The following STAG1 variants were observed in gnomAD, a reference collection of about 807,000 sequenced individuals.
The protein encoded by STAG1 is STAG1 cohesin complex component.
Under a neutral mutation model 170.9 loss-of-function variants are expected in STAG1, and 26 were observed. The observed-to-expected ratio is 0.15, with a 90% CI of 0.11 to 0.21. The LOEUF is 0.21. Ranked by LOEUF, STAG1 falls within the 10% of genes least tolerant of loss-of-function variation. The pLI is 1.00. For synonymous variants in STAG1, 514 were observed against 497.7 expected (o/e 1.03, Z -0.44); for missense variants, 964 against 1,509.5 (o/e 0.64, Z 5.99).
At chr3:136,596,256 T>C (rs1938424284) in intron 4 of STAG1, among the ~76,000 whole-genome samples, 1 of 152,236 alleles carries the variant, frequency 6.6e-6, no homozygotes, top group South Asian at 2.1e-4. Flanking sequence ...AGAAACTTCA[T>C]TGTTGTCTTG....
intron 9 of STAG1, among the ~76,000 whole-genome samples, chr3:136,493,159 T>C (rs1559838521): frequency 6.6e-6 from 1 of 152,064 alleles, no homozygotes; most frequent in Non-Finnish European, 1.5e-5. Flanking sequence ...CTGGGCAACA[T>C]GGCGAAACTT....
At chr3:136,591,889 T>C (rs546882451) in intron 4 of STAG1, among the ~76,000 whole-genome samples, 4 of 152,320 alleles carry the variant, frequency 2.6e-5, no homozygotes, top group African/African-American at 9.6e-5. Flanking sequence ...CATCATTCAA[T>C]GGAGACCTCT....
intron 9 of STAG1, among the ~76,000 whole-genome samples, chr3:136,498,233 T>TATATATATATACACACACACACAC: frequency 1.9e-4 from 11 of 57,492 alleles, no homozygotes; most frequent in African/African-American, 1.1e-3. Context: ...TATATATATA[T>TATATATATATACACACACACACAC]ACACATACAT....
chr3:136,397,836 G>C (rs1171534705), intron 22 of STAG1, among the ~76,000 whole-genome samples: 1 of 150,608 alleles, frequency 6.6e-6, no homozygotes, highest in Non-Finnish European at 1.5e-5. Context: ...CATGGTCATG[G>C]ATACATTAAA....
intron 6 of STAG1, among the ~76,000 whole-genome samples, chr3:136,535,950 T>G (rs1935599956): frequency 6.6e-6 from 1 of 152,234 alleles, no homozygotes; most frequent in Admixed American, 6.5e-5. Context: ...TTAACAAATA[T>G]AAATGTGATT....
intron 27 of STAG1, among the ~76,000 whole-genome samples, chr3:136,358,196 C>T (rs1211749589): frequency 6.6e-6 from 1 of 151,708 alleles, no homozygotes; most frequent in African/African-American, 2.4e-5. Context: ...GTGATTCTCC[C>T]ACCTCAGCCT....
At chr3:136,345,585 G>A (rs1417608404) in intron 29 of STAG1, among the ~76,000 whole-genome samples, 3 of 150,834 alleles carry the variant, frequency 2.0e-5, no homozygotes, top group South Asian at 2.1e-4. Flanking sequence ...TACTATGCCC[G>A]GCCAAGTTTC....
intron 29 of STAG1, chr3:136,348,790 A>C: frequency 4.4e-6 from 1 of 226,588 alleles, no homozygotes; most frequent in Non-Finnish European, 8.8e-6. Context: ...GCAGAAATCT[A>C]CCCTCAAATT....
intron 6 of STAG1, among the ~76,000 whole-genome samples, chr3:136,524,822 C>T (rs1025363881): frequency 6.6e-6 from 1 of 152,168 alleles, no homozygotes; most frequent in Middle Eastern, 3.2e-3. Context: ...TGAATTTTGT[C>T]AAAGGCCTTT....
At chr3:136,413,940 T>A (rs2087701805) in intron 21 of STAG1, among the ~76,000 whole-genome samples, 1 of 152,230 alleles carries the variant, frequency 6.6e-6, no homozygotes, top group Non-Finnish European at 1.5e-5. Flanking sequence ...ACCTTTGGTT[T>A]CGCAGTGCAT....
At chr3:136,660,672 T>G (rs1226979226) in intron 1 of STAG1, among the ~76,000 whole-genome samples, 1 of 152,104 alleles carries the variant, frequency 6.6e-6, no homozygotes, top group African/African-American at 2.4e-5. Context: ...AGAATTTTTT[T>G]TAAACCTGGG....
At chr3:136,439,443 A>ACACACACACACAC (rs1559802083) in intron 15 of STAG1, among the ~76,000 whole-genome samples, 8 of 44,906 alleles carry the variant, frequency 1.8e-4, no homozygotes, top group African/African-American at 5.1e-4. Context: ...CACACACACA[A>ACACACACACACAC]ACACTGTAAG....
At chr3:136,397,984 T>G (rs1450186006) in intron 22 of STAG1, among the ~76,000 whole-genome samples, 1 of 152,170 alleles carries the variant, frequency 6.6e-6, no homozygotes, top group Non-Finnish European at 1.5e-5. Flanking sequence ...TTTGCTCTTG[T>G]TGCCCAGGCT....
intron 2 of STAG1, among the ~76,000 whole-genome samples, chr3:136,628,092 C>G (rs1940183376): frequency 6.6e-6 from 1 of 152,130 alleles, no homozygotes; most frequent in African/African-American, 2.4e-5. Context: ...TGGGAGGTGA[C>G]TGGATCACGG....
At chr3:136,512,099 A>AAT (rs1934095187) in intron 7 of STAG1, among the ~76,000 whole-genome samples, 3 of 148,530 alleles carry the variant, frequency 2.0e-5, no homozygotes, top group Admixed American at 1.3e-4. Flanking sequence ...TACAAAATAA[A>AAT]AAAAAAAAAA....
chr3:136,455,012 C>CCT (rs1204489639), intron 13 of STAG1, among the ~76,000 whole-genome samples: 9 of 152,262 alleles, frequency 5.9e-5, no homozygotes, highest in South Asian at 2.1e-4. Flanking sequence ...AGTCATCAAA[C>CCT]TGTAAGTTTC....
intron 5 of STAG1, among the ~76,000 whole-genome samples, chr3:136,565,025 G>GGCAGGCAGGCAGGCAGGCAC (rs1937008300): frequency 9.6e-6 from 1 of 104,366 alleles, no homozygotes; most frequent in African/African-American, 4.7e-5. Flanking sequence ...CAGGCAGGCA[G>GGCAGGCAGGCAGGCAGGCAC]GCAGGCAGGC....
At chr3:136,507,982 T>C (rs1303992920) in intron 7 of STAG1, among the ~76,000 whole-genome samples, 11 of 152,150 alleles carry the variant, frequency 7.2e-5, no homozygotes, top group Non-Finnish European at 1.5e-5. Context: ...AGAAGGTAAC[T>C]GCTGACCTCA....
At chr3:136,593,052 A>G (rs1290836412) in intron 4 of STAG1, among the ~76,000 whole-genome samples, 1 of 152,124 alleles carries the variant, frequency 6.6e-6, no homozygotes, top group Non-Finnish European at 1.5e-5. Context: ...CCACCAACAC[A>G]ATGATATCTG....
Sources: allele counts gnomAD v4.1 joint callset (sites outside exome capture counted in the v4.1 genomes callset), GRCh38; gene constraint gnomAD v4.1.1; transcripts MANE v1.5; gene names NCBI Gene and HGNC (gene_info 2026-07-23, HGNC 2026-07-21).